The following SUPT3H variants were observed in gnomAD, a reference collection of about 807,000 sequenced individuals.
SUPT3H encodes SPT3 homolog, SAGA and STAGA complex component, also known as transcription initiation protein SPT3 homolog.
Under a neutral mutation model 44.3 loss-of-function variants are expected in SUPT3H, and 44 were observed. The ratio of observed to expected loss-of-function variants is 0.99; its 90% CI spans 0.78 to 1.28. The LOEUF is 1.28. Among genes scored for constraint, SUPT3H ranks in the 50% most tolerant of loss-of-function variants. The pLI is 0.00. For missense variants in SUPT3H, 380 were observed against 387.1 expected (o/e 0.98, Z 0.15); for synonymous variants, 124 against 125.6 (o/e 0.99, Z 0.09).
chr6:44,818,782 A>C (rs1237189417), intron 11 of SUPT3H, among the ~76,000 whole-genome samples: 1 of 152,228 alleles, frequency 6.6e-6, no homozygotes, highest in East Asian at 1.9e-4. Flanking sequence ...GCTAAAATTA[A>C]AGCAAAATAA....
At chr6:45,126,290 G>A (rs1310231415) in intron 2 of SUPT3H, among the ~76,000 whole-genome samples, 1 of 152,138 alleles carries the variant, frequency 6.6e-6, no homozygotes, top group East Asian at 1.9e-4. Flanking sequence ...TTAAGTCCAA[G>A]ATAAAAAATG....
chr6:45,116,381 C>T (rs1265803164), intron 2 of SUPT3H, among the ~76,000 whole-genome samples: 2 of 152,134 alleles, frequency 1.3e-5, no homozygotes, highest in African/African-American at 4.8e-5. Context: ...ATTATACACA[C>T]ATACACTTGT....
At chr6:45,077,626 CAAAAAA>C (rs70993493) in intron 3 of SUPT3H, among the ~76,000 whole-genome samples, 3 of 34,026 alleles carry the variant, frequency 8.8e-5, no homozygotes, top group African/African-American at 2.9e-4. Flanking sequence ...GACCTTGTTT[CAAAAAA>C]AAAAAAAAAA....
intron 2 of SUPT3H, among the ~76,000 whole-genome samples, chr6:45,192,621 G>A (rs1387098431): frequency 6.6e-6 from 1 of 151,980 alleles, no homozygotes; most frequent in Admixed American, 6.6e-5. Flanking sequence ...TAGATCTAAT[G>A]AAAGAACAAC....
At chr6:44,863,959 C>T (rs1461575345) in intron 10 of SUPT3H, among the ~76,000 whole-genome samples, 1 of 151,934 alleles carries the variant, frequency 6.6e-6, no homozygotes, top group African/African-American at 2.4e-5. Flanking sequence ...TATCTCCCAC[C>T]GAGTCCCTCC....
chr6:45,357,075 C>T (rs545904688), intron 2 of SUPT3H, among the ~76,000 whole-genome samples: 1 of 151,880 alleles, frequency 6.6e-6, no homozygotes, highest in South Asian at 2.1e-4. Flanking sequence ...GGCACGATCT[C>T]GGCTCACTGC....
At chr6:44,848,291 C>CT (rs1426586374) in intron 10 of SUPT3H, among the ~76,000 whole-genome samples, 1 of 152,082 alleles carries the variant, frequency 6.6e-6, no homozygotes, top group East Asian at 1.9e-4. Context: ...AACTAGACTT[C>CT]TGGAGGTCTT....
intron 10 of SUPT3H, among the ~76,000 whole-genome samples, chr6:44,906,845 C>T (rs1366667795): frequency 6.6e-6 from 1 of 152,194 alleles, no homozygotes; most frequent in Non-Finnish European, 1.5e-5. Context: ...TGTTCTCCTG[C>T]TCTTGGCCAT....
chr6:45,106,253 G>A (rs1327211157), intron 2 of SUPT3H, among the ~76,000 whole-genome samples: 1 of 152,068 alleles, frequency 6.6e-6, no homozygotes, highest in Non-Finnish European at 1.5e-5. Flanking sequence ...ATAACATGGT[G>A]AAACTCCGCC....
intron 3 of SUPT3H, among the ~76,000 whole-genome samples, chr6:45,056,734 T>C (rs1370383512): frequency 6.6e-6 from 1 of 152,006 alleles, no homozygotes; most frequent in Non-Finnish European, 1.5e-5. Context: ...TAAAAGAGTA[T>C]ACATTGGGGA....
chr6:45,048,686 T>C (rs1789810426), intron 3 of SUPT3H, among the ~76,000 whole-genome samples: 1 of 152,148 alleles, frequency 6.6e-6, no homozygotes. Flanking sequence ...ATGTGCTATA[T>C]ACAATGGATT....
chr6:45,163,088 A>C (rs1359241741), intron 2 of SUPT3H, among the ~76,000 whole-genome samples: 1 of 152,180 alleles, frequency 6.6e-6, no homozygotes, highest in Non-Finnish European at 1.5e-5. Context: ...GGGAGATTAC[A>C]TATCTAAAAC....
chr6:45,009,072 T>A lies in SUPT3H; in HGVS notation c.365-5280A>T, dbSNP rs914095081. ...AGTGTCTATTGTCCATTAGTTAATC[T>A]TCTTTGTAGAAATCTCTATTCAGAC... On this transcript the variant is annotated intron_variant, in intron 5 of 10. Transcript: ENST00000371459. 2.6e-5 allele frequency among the ~76,000 whole-genome samples: 4 copies of A among 152,186 alleles called. No homozygotes were observed. The South Asian group carries it at 8.3e-4, about 31-fold the overall frequency.
chr6:45,152,601 C>T (rs1262929355), intron 2 of SUPT3H, among the ~76,000 whole-genome samples: 1 of 152,136 alleles, frequency 6.6e-6, no homozygotes, highest in Non-Finnish European at 1.5e-5. Flanking sequence ...AAGTGATTCT[C>T]GTGCCTCAGC....
chr6:45,210,827 G>A (rs552852019), intron 2 of SUPT3H, among the ~76,000 whole-genome samples: 6 of 152,248 alleles, frequency 3.9e-5, no homozygotes, highest in East Asian at 1.9e-4. Flanking sequence ...ACTTCATTGC[G>A]GTGGTCTGGA....
chr6:45,031,044 ATC>A (rs1455770899), intron 3 of SUPT3H, among the ~76,000 whole-genome samples: 1 of 152,190 alleles, frequency 6.6e-6, no homozygotes, highest in Non-Finnish European at 1.5e-5. Flanking sequence ...TTCCCAAACC[ATC>A]TTGACTTTCT....
chr6:44,824,002 T>C (rs544436655), downstream of SUPT3H, among the ~76,000 whole-genome samples: 14 of 152,164 alleles, frequency 9.2e-5, no homozygotes, highest in South Asian at 2.9e-3. Context: ...TGCTTGGCTG[T>C]GGTTTAGAGT....
At chr6:45,022,826 C>G (rs572675473) in intron 3 of SUPT3H, among the ~76,000 whole-genome samples, 40 of 152,118 alleles carry the variant, frequency 2.6e-4, no homozygotes, top group Non-Finnish European at 5.6e-4. Flanking sequence ...TACTCAAGTC[C>G]TGCACTTAGC....
intron 3 of SUPT3H, among the ~76,000 whole-genome samples, chr6:45,103,920 T>C (rs1562465853): frequency 6.6e-6 from 1 of 152,042 alleles, no homozygotes; most frequent in Non-Finnish European, 1.5e-5. Context: ...TCAGAAAATA[T>C]TAGAATGACA....
Sources: allele counts gnomAD v4.1 joint callset (sites outside exome capture counted in the v4.1 genomes callset), GRCh38; gene constraint gnomAD v4.1.1; transcripts MANE v1.5; gene names NCBI Gene and HGNC (gene_info 2026-07-23, HGNC 2026-07-21).